The following UTRN variants were observed in gnomAD, a reference collection of about 807,000 sequenced individuals.
The protein encoded by UTRN is utrophin, also known as dystrophin-related protein 1.
UTRN carries 283 observed loss-of-function variants against 463.9 expected under a neutral mutation model. The observed-to-expected ratio is 0.61, with a 90% CI of 0.55 to 0.67. The LOEUF (loss-of-function observed/expected upper bound fraction) is 0.67, where lower values mean the gene tolerates loss of function less well. Among genes scored for constraint, UTRN ranks in the 30% least tolerant of loss-of-function variants. UTRN has a pLI of 0.00. For synonymous variants in UTRN, 1,442 were observed against 1,431.5 expected (o/e 1.01, Z -0.17); for missense variants, 3,922 against 4,084.3 (o/e 0.96, Z 1.08).
At chr6:144,370,081 A>C (rs1779848417) in intron 2 of UTRN, among the ~76,000 whole-genome samples, 1 of 152,202 alleles carries the variant, frequency 6.6e-6, no homozygotes, top group African/African-American at 2.4e-5. Context: ...ATACCTGACA[A>C]TGTGGAAGTG....
chr6:144,774,299 A>G lies in UTRN; in HGVS notation c.8567A>G (p.Asn2856Ser). The G allele has an allele frequency of 6.2e-7, 1 of 1,603,054 alleles. No individual in the cohort carries two copies. Among genetic ancestry groups the G allele is most frequent in the Non-Finnish European group, 8.5e-7 (1 of 1,176,596 alleles). Residue 2856 changes from asparagine (N) to serine (S), a missense_variant, in exon 60 of 75, where the codon AAT becomes AGT. Physicochemically the swap from Asn to Ser is conservative, Grantham distance 46 (BLOSUM62 1). Transcript: ENST00000367545. ...TCTTTTTCTATTTCAGCTGACCTGA[A>G]TAATGTACGTTTTTCTGCCTACCGT... ...TELFQSLADL[N>S]NVRFSAYRTA... is the part of the protein sequence containing the mutation.
At chr6:144,292,671 A>G (rs563617674) in intron 2 of UTRN, among the ~76,000 whole-genome samples, 2 of 152,358 alleles carry the variant, frequency 1.3e-5, no homozygotes, top group Admixed American at 6.5e-5. Context: ...TTGAACAGGC[A>G]GAACACTTCT....
chr6:144,318,677 T>G (rs1775435937), intron 2 of UTRN, among the ~76,000 whole-genome samples: 1 of 152,148 alleles, frequency 6.6e-6, no homozygotes, highest in Non-Finnish European at 1.5e-5. Context: ...TTGGCCAGGC[T>G]GGTCTTGAAC....
chr6:144,764,378 A>G (rs953865704), intron 58 of UTRN, among the ~76,000 whole-genome samples: 7 of 152,198 alleles, frequency 4.6e-5, no homozygotes, highest in African/African-American at 4.8e-5. Context: ...GAGAGACATT[A>G]GGTAGTTAAG....
chr6:144,615,972 G>T (rs962935844), intron 51 of UTRN, among the ~76,000 whole-genome samples: 3 of 152,022 alleles, frequency 2.0e-5, no homozygotes, highest in African/African-American at 7.2e-5. Context: ...CATCACTCCT[G>T]TCCCCTGGCC....
rs971300639 is a variant in UTRN, at chr6:144,459,233, C to T, written c.2586C>T (p.Cys862=). ...HPKIEMARAS[C]SALMSQPSAP... ...AAATTGAAATGGCTCGTGCAAGCTG[C>T]TCGGCCCTGATGTCTCAGCCTTCTG... Residue 862 remains cysteine, a synonymous_variant, in exon 21 of 75, where the codon TGC becomes TGT. Coordinates refer to ENST00000367545, the MANE Select transcript of UTRN (RefSeq NM_007124.3). The T allele has an allele frequency of 3.1e-6, 5 of 1,613,926 alleles. No individual in the cohort carries two copies. In the African/African-American group the frequency reaches 5.3e-5, roughly 17 times the overall value.
At chr6:144,346,921 CG>C (rs1777634173) in intron 2 of UTRN, among the ~76,000 whole-genome samples, 12 of 149,770 alleles carry the variant, frequency 8.0e-5, no homozygotes, top group Admixed American at 5.9e-4. Flanking sequence ...ATCTATCTAT[CG>C]ATCTCTATCT....
At chr6:144,700,563 T>TG (rs1784484647) in intron 53 of UTRN, among the ~76,000 whole-genome samples, 1 of 151,698 alleles carries the variant, frequency 6.6e-6, no homozygotes, top group African/African-American at 2.4e-5. Flanking sequence ...TTTTTTTGTT[T>TG]TTTGTTTGTT....
At chr6:144,701,519 C>A (rs1022203377) in intron 53 of UTRN, among the ~76,000 whole-genome samples, 5 of 152,156 alleles carry the variant, frequency 3.3e-5, no homozygotes, top group African/African-American at 1.2e-4. Context: ...ATCCTTAGAT[C>A]CTTGTGTGAT....
At chr6:144,828,738 G>A in intron 68 of UTRN, 52 bp from the exon 69 acceptor site, 1 of 1,515,766 alleles carries the variant, frequency 6.6e-7, no homozygotes, top group Non-Finnish European at 9.1e-7. Context: ...ACGTCCAATT[G>A]ACCATGTCCT....
chr6:144,304,294 G>A (rs1805527053), intron 2 of UTRN, among the ~76,000 whole-genome samples: 1 of 152,040 alleles, frequency 6.6e-6, no homozygotes, highest in Non-Finnish European at 1.5e-5. Context: ...TTGTCTCTTG[G>A]TGGTACCCAA....
At chr6:144,477,329 G>T (rs1584943755) in intron 25 of UTRN, among the ~76,000 whole-genome samples, 1 of 152,054 alleles carries the variant, frequency 6.6e-6, no homozygotes, top group Admixed American at 6.6e-5. Flanking sequence ...AATGCTTTTG[G>T]CTAATGTTTG....
At chr6:144,792,482 G>A (rs904803273) in intron 62 of UTRN, among the ~76,000 whole-genome samples, 3 of 152,088 alleles carry the variant, frequency 2.0e-5, no homozygotes, top group Non-Finnish European at 4.4e-5. Context: ...GGTAGGTGGA[G>A]GTTGCAGCGA....
chr6:144,537,234 A>G (rs1027088471), intron 43 of UTRN, among the ~76,000 whole-genome samples: 1 of 152,108 alleles, frequency 6.6e-6, no homozygotes, highest in Non-Finnish European at 1.5e-5. Flanking sequence ...TTAGATAAAG[A>G]CATTTTTCAT....
chr6:144,406,920 C>T (rs9321973), intron 3 of UTRN, among the ~76,000 whole-genome samples: 8,503 of 152,180 alleles, frequency 0.056, 801 homozygotes, highest in African/African-American at 0.19. Context: ...TCATTTTGCT[C>T]CAGCCACACG....
chr6:144,570,154 A>G (rs1461610378), intron 50 of UTRN, among the ~76,000 whole-genome samples: 1 of 152,098 alleles, frequency 6.6e-6, no homozygotes, highest in Non-Finnish European at 1.5e-5. Context: ...GGAAGGTACC[A>G]TGGTTTTGGA....
intron 52 of UTRN, among the ~76,000 whole-genome samples, chr6:144,685,320 G>T (rs1276373801): frequency 1.3e-5 from 2 of 152,166 alleles, no homozygotes; most frequent in Non-Finnish European, 2.9e-5. Flanking sequence ...TGCAATTGTG[G>T]ATTGTGCTGT....
At chr6:144,673,577 G>A (rs1171398659) in intron 51 of UTRN, among the ~76,000 whole-genome samples, 3 of 152,042 alleles carry the variant, frequency 2.0e-5, no homozygotes, top group Non-Finnish European at 2.9e-5. Flanking sequence ...ATACTTGGTT[G>A]TTGGATTTTT....
intron 2 of UTRN, among the ~76,000 whole-genome samples, chr6:144,367,405 T>G (rs1373942183): frequency 1.3e-5 from 2 of 152,202 alleles, no homozygotes; most frequent in Non-Finnish European, 2.9e-5. Flanking sequence ...TTTTGGTTAA[T>G]TTTACAGATG....
Sources: allele counts gnomAD v4.1 joint callset (sites outside exome capture counted in the v4.1 genomes callset), GRCh38; gene constraint gnomAD v4.1.1; transcripts MANE v1.5; gene names NCBI Gene and HGNC (gene_info 2026-07-23, HGNC 2026-07-21).